The following SLIT2 variants were observed in gnomAD, a reference collection of about 807,000 sequenced individuals.
SLIT2 encodes slit homolog 2 protein.
A neutral mutation model predicts 185.7 loss-of-function variants in SLIT2; 41 were observed. The ratio of observed to expected loss-of-function variants is 0.22; its 90% CI spans 0.17 to 0.29. SLIT2 has a LOEUF of 0.29. Among genes scored for constraint, SLIT2 ranks in the 10% least tolerant of loss-of-function variants. SLIT2 has a pLI of 1.00. For missense variants in SLIT2, 1,571 were observed against 1,909.0 expected, an observed-to-expected ratio of 0.82 and a Z score of 3.30; for synonymous variants, 693 against 680.2, an observed-to-expected ratio of 1.02 and a Z score of -0.29.
At chr4:20,394,739 A>G (rs965419448) in intron 4 of SLIT2, 7 of 152,112 alleles carry the variant, frequency 4.6e-5, no homozygotes, top group African/African-American at 1.7e-4. Flanking sequence ...GCCAGAAGGC[A>G]TTTTTATAAA....
chr4:20,293,168 G>A lies in SLIT2; in HGVS notation c.395+24287G>A, dbSNP rs566907550. ...AGTTTGCAGTATTAGGTTAAGGAAGGAAAGTCCATTCAAGCTGTTTTAAAG... is the reference window on the plus strand; with the variant it reads ...AGTTTGCAGTATTAGGTTAAGGAAGAAAAGTCCATTCAAGCTGTTTTAAAG... On this transcript the variant is annotated intron_variant, in intron 4 of 36. Transcript: ENST00000504154. 5.3e-5 allele frequency among the ~76,000 whole-genome samples: 8 copies of A among 152,316 alleles called. 1 individual carries two copies. Among genetic ancestry groups the A allele is most frequent in the African/African-American group, 1.4e-4 (6 of 41,576 alleles).
intron 4 of SLIT2, among the ~76,000 whole-genome samples, chr4:20,304,057 G>T (rs1362748981): frequency 6.6e-6 from 1 of 152,148 alleles, no homozygotes; most frequent in Non-Finnish European, 1.5e-5. Context: ...TTTTGAGGGT[G>T]GGTTTGAGGG....
At chr4:20,300,935 A>T (rs1410561293) in intron 4 of SLIT2, among the ~76,000 whole-genome samples, 4 of 152,088 alleles carry the variant, frequency 2.6e-5, no homozygotes, top group African/African-American at 9.7e-5. Context: ...TATGGTATAC[A>T]TCGTTTTCTA....
chr4:20,616,001 C>T (rs764298039), intron 34 of SLIT2: 1 of 152,222 alleles, frequency 6.6e-6, no homozygotes, highest in Admixed American at 6.5e-5. Context: ...TGGAAAGATT[C>T]TTCCGTTTTG....
chr4:20,395,051 G>C (rs2109379962), intron 4 of SLIT2, among the ~76,000 whole-genome samples: 1 of 152,024 alleles, frequency 6.6e-6, no homozygotes, highest in East Asian at 1.9e-4. Context: ...GCATACACCT[G>C]TCCCAAACCT....
In SLIT2 at chr4:20,253,596, G is replaced by T; in HGVS notation, c.-220G>T. On this transcript the variant is annotated 5_prime_UTR_variant, in exon 1 of 37. The change creates a new upstream start codon in the 5' untranslated region. Transcript: ENST00000504154. ...ATCCTCAGGACCTAAAGTTGCCCAA[G>T]GAGCTCCTGCTCTGCCAGAGGAGGG... The T allele has an allele frequency of 1.7e-6, 1 of 595,542 alleles. No individual in the cohort carries two copies. The highest frequency in any genetic ancestry group is 3.0e-6 in the Non-Finnish European group (1 of 336,752). The allele number at this position is 595,542 out of a possible 1,614,324, so 36.9% of individuals were successfully genotyped here. A position where few individuals can be genotyped will look rare whatever the true frequency, so the allele number is the denominator to read the frequency against.
In SLIT2 at chr4:20,253,684, G is replaced by A; in HGVS notation, c.-132G>A. The A allele has an allele frequency of 1.9e-6, 2 of 1,047,272 alleles. No individual in the cohort carries two copies. The highest frequency in any genetic ancestry group is 2.8e-6 in the Non-Finnish European group (2 of 714,326). 64.9% of individuals were successfully genotyped at this position (1,047,272 alleles called of 1,614,324 possible). On this transcript the variant is annotated 5_prime_UTR_variant, in exon 1 of 37. In the 5' UTR this introduces an upstream ATG that the reference lacks. Coordinates refer to ENST00000504154, the MANE Select transcript of SLIT2 (RefSeq NM_004787.4). ...CTACTGCCTTGTTCCATATTATTTG[G>A]TGCACATTTTCCCTGGCACTCTGGG...
At chr4:20,548,942 G>A (rs1723492011) in intron 23 of SLIT2, 115 bp from the exon 24 acceptor site, 1 of 660,812 alleles carries the variant, frequency 1.5e-6, no homozygotes, top group South Asian at 1.8e-5. Context: ...TATATTGTGT[G>A]TTAACACTAT....
chr4:20,387,835 G>T lies in SLIT2; in HGVS notation c.396-79917G>T, dbSNP rs569686865. ...AAGTGGGTTCTCCCCTATGCCTCCA[G>T]TAGGGTATGCAGCTTTACTGACACC... is the stretch of plus-strand genomic sequence containing the variant. On this transcript the variant is annotated intron_variant, in intron 4 of 36. Transcript: ENST00000504154. 2.0e-5 allele frequency among the ~76,000 whole-genome samples: 3 copies of T among 152,248 alleles called. No individual in the cohort carries two copies. The South Asian group carries it at 6.2e-4, about 32-fold the overall frequency.
chr4:20,316,834 T>A (rs971126510), intron 4 of SLIT2, among the ~76,000 whole-genome samples: 3 of 150,624 alleles, frequency 2.0e-5, no homozygotes, highest in South Asian at 4.2e-4. Flanking sequence ...TTTTTTTTTT[T>A]AATCTCCAGG....
At chr4:20,292,522 G>A (rs1041755489) in intron 4 of SLIT2, among the ~76,000 whole-genome samples, 16 of 152,058 alleles carry the variant, frequency 1.1e-4, no homozygotes, top group Admixed American at 5.9e-4. Context: ...GCACTGAGAC[G>A]GAGAAGGAGA....
At chr4:20,416,331 C>G (rs1306919665) in intron 4 of SLIT2, among the ~76,000 whole-genome samples, 1 of 152,114 alleles carries the variant, frequency 6.6e-6, no homozygotes, top group Non-Finnish European at 1.5e-5. Context: ...CTCACATGGC[C>G]TTTTCTCTGT....
At position 20,472,591 on chromosome 4, in the gene SLIT2, T is replaced by TATATCTATATATATCGATATATATCG. The variant is rs1560455431; in HGVS notation, c.467+4772_467+4773insCTATATATATCGATATATATCGATAT. ...ATATATAGATATATCTATATATAGA[T>TATATCTATATATATCGATATATATCG]ATATATCTATAGATATATCTATATA... On this transcript the variant is annotated intron_variant, in intron 5 of 36. Coordinates refer to ENST00000504154, the MANE Select transcript of SLIT2 (RefSeq NM_004787.4). Among the ~76,000 whole-genome samples the TATATCTATATATATCGATATATATCG allele has an allele frequency of 2.4e-3, 36 of 14,976 alleles. 11 individuals are homozygous for TATATCTATATATATCGATATATATCG. Among genetic ancestry groups the TATATCTATATATATCGATATATATCG allele is most frequent in the African/African-American group, 4.0e-3 (9 of 2,230 alleles). The allele number at this position is 14,976 out of a possible 152,430, so 9.8% of individuals were successfully genotyped here.
intron 33 of SLIT2, 44 bp from the exon 34 acceptor site, chr4:20,609,969 T>C (rs751103658): frequency 3.2e-6 from 5 of 1,553,962 alleles, no homozygotes; most frequent in Non-Finnish European, 4.3e-6. Context: ...CTTGCTTTAA[T>C]GAAAAGAAAA....
chr4:20,433,957 T>C (rs533364192), intron 4 of SLIT2, among the ~76,000 whole-genome samples: 1 of 152,322 alleles, frequency 6.6e-6, no homozygotes, highest in South Asian at 2.1e-4. Flanking sequence ...AAGCTTCACT[T>C]AGTGAAGACT....
intron 31 of SLIT2, 51 bp from the exon 32 acceptor site, chr4:20,596,364 G>A (rs537851879): frequency 1.3e-6 from 2 of 1,560,210 alleles, no homozygotes; most frequent in Middle Eastern, 1.7e-4. Flanking sequence ...ATTCAGATTG[G>A]CAATTAAGTA....
intron 33 of SLIT2, among the ~76,000 whole-genome samples, chr4:20,607,671 A>G (rs1386339181): frequency 6.6e-6 from 1 of 152,184 alleles, no homozygotes; most frequent in African/African-American, 2.4e-5. Flanking sequence ...ACACAATTGT[A>G]CTGCATCAAA....
At chr4:20,542,041 C>T (rs1722839364) in intron 20 of SLIT2, among the ~76,000 whole-genome samples, 1 of 151,976 alleles carries the variant, frequency 6.6e-6, no homozygotes, top group Non-Finnish European at 1.5e-5. Context: ...CTCATATAGC[C>T]CTATCAGGTA....
intron 4 of SLIT2, among the ~76,000 whole-genome samples, chr4:20,293,562 T>G (rs1449638372): frequency 6.6e-6 from 1 of 152,198 alleles, no homozygotes; most frequent in African/African-American, 2.4e-5. Context: ...CGCGTAGTAA[T>G]GTGAACTTAA....
Sources: gnomAD v4.1 joint callset for allele counts (sites outside exome capture counted in the v4.1 genomes callset) on GRCh38, gnomAD v4.1.1 for gene constraint, MANE v1.5 for transcripts, NCBI Gene and HGNC (gene_info 2026-07-23, HGNC 2026-07-21) for gene names.